Variants in PTPRG observed in about 807,000 individuals in gnomAD.
PTPRG encodes protein tyrosine phosphatase receptor type G.
In PTPRG, 102 loss-of-function variants were observed where a neutral mutation model predicts 165.3. That is an observed-to-expected ratio of 0.62 (90% CI 0.53 to 0.73). The LOEUF is 0.73. PTPRG is among the 30% of genes least tolerant of loss of function. The pLI, the probability that PTPRG is intolerant of heterozygous loss-of-function variation, is 0.00. For synonymous variants in PTPRG, 675 were observed against 669.5 expected, an observed-to-expected ratio of 1.01 and a Z score of -0.13; for missense variants, 1,866 against 1,861.4, an observed-to-expected ratio of 1.00 and a Z score of -0.05.
intron 24 of PTPRG, chr3:62,276,666 T>G: frequency 3.3e-6 from 1 of 303,810 alleles, no homozygotes; most frequent in Non-Finnish European, 6.0e-6. Flanking sequence ...CAAACTAGAG[T>G]CAAAAGTTAT....
chr3:61,956,504 G>C (rs920883595), intron 2 of PTPRG, among the ~76,000 whole-genome samples: 11 of 152,120 alleles, frequency 7.2e-5, no homozygotes, highest in Non-Finnish European at 1.2e-4. Flanking sequence ...AGTTTGGTTA[G>C]TTTAAAGAGA....
At chr3:61,735,381 A>C (rs891983639) in intron 1 of PTPRG, among the ~76,000 whole-genome samples, 1 of 152,224 alleles carries the variant, frequency 6.6e-6, no homozygotes, top group Non-Finnish European at 1.5e-5. Flanking sequence ...AATTGAAGAG[A>C]ACAAAGCCAG....
At chr3:62,034,979 A>T (rs1176250268) in intron 4 of PTPRG, among the ~76,000 whole-genome samples, 1 of 152,072 alleles carries the variant, frequency 6.6e-6, no homozygotes, top group Non-Finnish European at 1.5e-5. Context: ...GATTCAGGTG[A>T]TGGATGGGAA....
At chr3:61,665,203 A>G (rs1702777584) in intron 1 of PTPRG, among the ~76,000 whole-genome samples, 1 of 152,310 alleles carries the variant, frequency 6.6e-6, no homozygotes, top group East Asian at 1.9e-4. Context: ...TCAGAAGTAG[A>G]GACCTAGAAG....
chr3:62,031,853 A>AT (rs1559757102), intron 4 of PTPRG, among the ~76,000 whole-genome samples: 1 of 152,218 alleles, frequency 6.6e-6, no homozygotes. Flanking sequence ...GCAGTGCTCC[A>AT]TTGAGACAGT....
At chr3:62,175,007 AC>A (rs932421316) in intron 8 of PTPRG, among the ~76,000 whole-genome samples, 1 of 152,150 alleles carries the variant, frequency 6.6e-6, no homozygotes, top group Non-Finnish European at 1.5e-5. Flanking sequence ...GACAAAAAAA[AC>A]AGGTCTGTTT....
At chr3:61,837,552 A>G (rs557388019) in intron 2 of PTPRG, among the ~76,000 whole-genome samples, 32 of 152,356 alleles carry the variant, frequency 2.1e-4, no homozygotes, top group South Asian at 8.3e-4. Context: ...ATAGTACGTC[A>G]TAGACAAGAG....
chr3:62,117,454 C>A (rs1428933768), intron 5 of PTPRG, among the ~76,000 whole-genome samples: 1 of 152,312 alleles, frequency 6.6e-6, no homozygotes, highest in South Asian at 2.1e-4. Flanking sequence ...CTGATTAACA[C>A]AACACTTGTA....
At chr3:62,074,180 A>AGTGTGTGTGTGTGTGTGT (rs140019903) in intron 4 of PTPRG, among the ~76,000 whole-genome samples, 1 of 143,598 alleles carries the variant, frequency 7.0e-6, no homozygotes, top group African/African-American at 2.6e-5. Context: ...AAAAAGTGAG[A>AGTGTGTGTGTGTGTGTGT]GTGTGTGTGT....
intron 1 of PTPRG, among the ~76,000 whole-genome samples, chr3:61,565,115 C>T (rs1699874991): frequency 6.6e-6 from 1 of 152,200 alleles, no homozygotes; most frequent in Admixed American, 6.5e-5. Context: ...TTTGAGTTCT[C>T]AGCTCCTGTT....
chr3:61,942,721 C>A (rs1415668026), intron 2 of PTPRG, among the ~76,000 whole-genome samples: 1 of 152,212 alleles, frequency 6.6e-6, no homozygotes, highest in Non-Finnish European at 1.5e-5. Flanking sequence ...AATTCTGTTA[C>A]ATTTATGTTT....
chr3:62,197,628 G>A (rs1173127050), intron 10 of PTPRG, among the ~76,000 whole-genome samples: 1 of 152,088 alleles, frequency 6.6e-6, no homozygotes, highest in Non-Finnish European at 1.5e-5. Context: ...CTGAGGCCGG[G>A]GCCCTTGGAA....
At chr3:62,159,370 T>C (rs1025139256) in intron 7 of PTPRG, among the ~76,000 whole-genome samples, 1 of 152,016 alleles carries the variant, frequency 6.6e-6, no homozygotes, top group African/African-American at 2.4e-5. Flanking sequence ...AGTTAAGGAA[T>C]ACTGATTTGG....
intron 3 of PTPRG, among the ~76,000 whole-genome samples, chr3:62,001,928 A>T (rs2041179616): frequency 6.6e-6 from 1 of 152,228 alleles, no homozygotes; most frequent in African/African-American, 2.4e-5. Flanking sequence ...CTTTACAGGA[A>T]AAGTTTACGA....
intron 17 of PTPRG, among the ~76,000 whole-genome samples, chr3:62,266,435 A>G (rs1701877316): frequency 6.6e-6 from 1 of 152,136 alleles, no homozygotes; most frequent in Admixed American, 6.5e-5. Flanking sequence ...AAATAACAAT[A>G]TGCAATTAAT....
At chr3:62,225,049 T>C (rs1700729484) in intron 13 of PTPRG, among the ~76,000 whole-genome samples, 1 of 152,180 alleles carries the variant, frequency 6.6e-6, no homozygotes, top group Non-Finnish European at 1.5e-5. Flanking sequence ...TTATAAATAT[T>C]GCAATCCATA....
chr3:62,270,480 C>A (rs957240790), intron 20 of PTPRG, among the ~76,000 whole-genome samples: 6 of 152,258 alleles, frequency 3.9e-5, no homozygotes, highest in Non-Finnish European at 8.8e-5. Context: ...CAAAGCCCAA[C>A]TGATGAGAAT....
chr3:62,096,570 C>A (rs1045164561), intron 5 of PTPRG, among the ~76,000 whole-genome samples: 8 of 152,172 alleles, frequency 5.3e-5, no homozygotes, highest in Admixed American at 2.0e-4. Context: ...CATGTGTTAT[C>A]TCTGCAAATA....
chr3:62,095,797 G>T (rs1489558069), intron 5 of PTPRG, among the ~76,000 whole-genome samples: 1 of 152,166 alleles, frequency 6.6e-6, no homozygotes, highest in Non-Finnish European at 1.5e-5. Context: ...ACAGGATTCA[G>T]CTGAAGTTAA....
Sources: gnomAD v4.1 joint callset for allele counts (sites outside exome capture counted in the v4.1 genomes callset) on GRCh38, gnomAD v4.1.1 for gene constraint, MANE v1.5 for transcripts, NCBI Gene and HGNC (gene_info 2026-07-23, HGNC 2026-07-21) for gene names.